CCDC102B: variants seen among roughly 807,000 people sequenced by gnomAD.
CCDC102B encodes the protein coiled-coil domain-containing protein 102B.
A neutral mutation model predicts 57.4 loss-of-function variants in CCDC102B; 75 were observed. That is an observed-to-expected ratio of 1.31 (90% CI 1.08 to 1.58). The LOEUF (loss-of-function observed/expected upper bound fraction) is 1.58. Among genes scored for constraint, CCDC102B ranks in the 40% most tolerant of loss-of-function variants. CCDC102B has a pLI of 0.00. For missense variants in CCDC102B, 636 were observed against 582.6 expected, an observed-to-expected ratio of 1.09 and a Z score of -0.94; for synonymous variants, 206 against 201.9, an observed-to-expected ratio of 1.02 and a Z score of -0.17.
intron 6 of CCDC102B, among the ~76,000 whole-genome samples, chr18:68,980,693 A>AG (rs2050556275): frequency 1.3e-5 from 2 of 151,958 alleles, no homozygotes; most frequent in Admixed American, 1.3e-4. Flanking sequence ...TATGGGGTGG[A>AG]GGGAAGGGCT....
At chr18:68,857,767 G>T (rs984353944) in intron 4 of CCDC102B, among the ~76,000 whole-genome samples, 3 of 151,976 alleles carry the variant, frequency 2.0e-5, no homozygotes, top group African/African-American at 7.2e-5. Flanking sequence ...ACGTTGAATG[G>T]CTTCAGAATG....
At chr18:68,812,884 G>GGGAT (rs2036321898) in intron 1 of CCDC102B, among the ~76,000 whole-genome samples, 1 of 152,082 alleles carries the variant, frequency 6.6e-6, no homozygotes, top group Non-Finnish European at 1.5e-5. Flanking sequence ...CCTGAGAAGG[G>GGGAT]GGATATCCAG....
At chr18:68,920,742 T>C (rs2041249108) in intron 6 of CCDC102B, among the ~76,000 whole-genome samples, 2 of 152,202 alleles carry the variant, frequency 1.3e-5, no homozygotes, top group Middle Eastern at 3.4e-3. Flanking sequence ...ACAGAGTAAA[T>C]GCTGAGTGAA....
chr18:69,015,156 T>A (rs939221381), intron 7 of CCDC102B, among the ~76,000 whole-genome samples: 1 of 152,198 alleles, frequency 6.6e-6, no homozygotes, highest in Non-Finnish European at 1.5e-5. Context: ...GGAATCGTAG[T>A]ATCACAGGGA....
chr18:68,790,719 G>A (rs1434488472), intron 2 of CCDC102B, among the ~76,000 whole-genome samples: 5 of 151,526 alleles, frequency 3.3e-5, no homozygotes, highest in East Asian at 1.9e-4. Context: ...ACTGACCTGC[G>A]CCCACTGTCT....
Position 69,054,416 on chromosome 18 carries a change from C to A in CCDC102B, c.*279C>A. ...AAAAGGGCTTTCAGAATACTTTTTA[C>A]ATAAAATCTGAAAGAGTTATAATAT... is the stretch of plus-strand genomic sequence containing the variant. On this transcript the variant is annotated 3_prime_UTR_variant, in exon 8 of 8. Coordinates refer to ENST00000360242, the MANE Select transcript of CCDC102B (RefSeq NM_024781.3). The A allele has an allele frequency of 1.9e-6, 2 of 1,073,182 alleles. No individual in the cohort carries two copies. Among genetic ancestry groups the A allele is most frequent in the Non-Finnish European group, 1.1e-6 (1 of 887,558 alleles). The allele number at this position is 1,073,182 out of a possible 1,614,324, so 66.5% of individuals were successfully genotyped here. A position where few individuals can be genotyped will look rare whatever the true frequency, so the allele number is the denominator to read the frequency against.
intron 2 of CCDC102B, among the ~76,000 whole-genome samples, chr18:68,772,197 A>G (rs961790942): frequency 6.6e-6 from 1 of 152,172 alleles, no homozygotes; most frequent in Non-Finnish European, 1.5e-5. Context: ...AGAAATTGCC[A>G]GAGCCTTGTA....
intron 1 of CCDC102B, among the ~76,000 whole-genome samples, chr18:68,806,101 A>T (rs1388823147): frequency 6.6e-6 from 1 of 152,204 alleles, no homozygotes; most frequent in African/African-American, 2.4e-5. Flanking sequence ...TTGGATAAAA[A>T]TAAAATTATA....
intron 7 of CCDC102B, among the ~76,000 whole-genome samples, chr18:69,034,744 A>G (rs1195852020): frequency 6.6e-6 from 1 of 151,534 alleles, no homozygotes; most frequent in Non-Finnish European, 1.5e-5. Context: ...CCCACTGTGG[A>G]TGCTGTGCAT....
intron 1 of CCDC102B, among the ~76,000 whole-genome samples, chr18:68,836,431 C>A (rs2037368651): frequency 6.6e-6 from 1 of 151,870 alleles, no homozygotes; most frequent in Non-Finnish European, 1.5e-5. Context: ...AGATCGAGAC[C>A]ATCCTGGCCA....
chr18:68,789,370 T>G (rs1223865687), intron 2 of CCDC102B, among the ~76,000 whole-genome samples: 2 of 152,154 alleles, frequency 1.3e-5, no homozygotes, highest in Non-Finnish European at 2.9e-5. Context: ...AATCTGAACG[T>G]TGGCCTGCTT....
At chr18:68,979,668 G>A (rs544405845) in intron 6 of CCDC102B, among the ~76,000 whole-genome samples, 3 of 152,000 alleles carry the variant, frequency 2.0e-5, no homozygotes, top group African/African-American at 4.8e-5. Flanking sequence ...GAAATGGACC[G>A]TCATGCAATG....
chr18:68,909,158 G>T (rs1419080231), intron 6 of CCDC102B, among the ~76,000 whole-genome samples: 4 of 121,856 alleles, frequency 3.3e-5, no homozygotes, highest in Non-Finnish European at 6.8e-5. Flanking sequence ...AGAAAAAAAG[G>T]AAAACAAGAA....
At chr18:68,950,514 A>G (rs918913137) in intron 6 of CCDC102B, among the ~76,000 whole-genome samples, 3 of 152,124 alleles carry the variant, frequency 2.0e-5, no homozygotes, top group Non-Finnish European at 4.4e-5. Flanking sequence ...AAAAATATGT[A>G]TTTGTAATAC....
intron 2 of CCDC102B, among the ~76,000 whole-genome samples, chr18:68,741,713 A>ACACACACACACACACC (rs1393809459): frequency 8.2e-5 from 8 of 97,650 alleles, no homozygotes; most frequent in African/African-American, 3.4e-4. Flanking sequence ...ACACACACAC[A>ACACACACACACACACC]CCCCAAGACA....
Position 69,033,073 on chromosome 18 carries a change from A to G in CCDC102B, c.1435-20957A>G, listed in dbSNP as rs758156238. On this transcript the variant is annotated intron_variant, in intron 7 of 7. Transcript: ENST00000360242. Reference sequence around the variant, plus strand: ...TTTAAAGATTTTAAAAGTTTATCATATAGAGATAAAGCATTATAATGTCAT... The same window carrying G: ...TTTAAAGATTTTAAAAGTTTATCATGTAGAGATAAAGCATTATAATGTCAT... Among the ~76,000 whole-genome samples the G allele has an allele frequency of 2.0e-5, 3 of 152,316 alleles. No individual in the cohort carries two copies. In the South Asian group the frequency reaches 6.2e-4, roughly 32 times the overall value.
intron 7 of CCDC102B, among the ~76,000 whole-genome samples, chr18:69,012,678 C>G (rs2051551051): frequency 6.6e-6 from 1 of 151,960 alleles, no homozygotes; most frequent in Non-Finnish European, 1.5e-5. Flanking sequence ...CGTCCTGAGG[C>G]CACCATGTCC....
At chr18:68,992,865 G>T in intron 6 of CCDC102B, 2 of 166,138 alleles carry the variant, frequency 1.2e-5, no homozygotes, top group South Asian at 2.8e-4. Flanking sequence ...GAAGCCCTAC[G>T]GCACAGAAGA....
chr18:68,921,319 GT>G (rs2041271957), intron 6 of CCDC102B, among the ~76,000 whole-genome samples: 1 of 152,050 alleles, frequency 6.6e-6, no homozygotes, highest in South Asian at 2.1e-4. Flanking sequence ...AGATATGATG[GT>G]TTTTAAAAAG....
Sources: gnomAD v4.1 joint callset for allele counts (sites outside exome capture counted in the v4.1 genomes callset) on GRCh38, gnomAD v4.1.1 for gene constraint, MANE v1.5 for transcripts, NCBI Gene and HGNC (gene_info 2026-07-23, HGNC 2026-07-21) for gene names.